SMYD3: variants seen among roughly 807,000 people sequenced by gnomAD.
The protein encoded by SMYD3 is SET and MYND domain containing 3, also known as histone-lysine N-methyltransferase SMYD3.
In SMYD3, 36 loss-of-function variants were observed where a neutral mutation model predicts 57.7. The observed-to-expected ratio is 0.62, with a 90% CI of 0.48 to 0.82. The LOEUF (loss-of-function observed/expected upper bound fraction) is 0.82, where lower values mean the gene tolerates loss of function less well. Among genes scored for constraint, SMYD3 ranks in the 40% least tolerant of loss-of-function variants. The pLI, the probability that SMYD3 is intolerant of heterozygous loss-of-function variation, is 0.00. For synonymous variants in SMYD3, 211 were observed against 195.0 expected (o/e 1.08, Z -0.68); for missense variants, 515 against 538.8 (o/e 0.96, Z 0.44).
intron 8 of SMYD3, among the ~76,000 whole-genome samples, chr1:245,886,715 C>A (rs2053104371): frequency 1.3e-5 from 2 of 152,176 alleles, no homozygotes; most frequent in Non-Finnish European, 2.9e-5. Context: ...ATGCTAATTT[C>A]CTTGCCCGAT....
At chr1:245,765,144 TG>T (rs1417050897) in intron 10 of SMYD3, among the ~76,000 whole-genome samples, 2 of 151,064 alleles carry the variant, frequency 1.3e-5, no homozygotes, top group Non-Finnish European at 3.0e-5. Flanking sequence ...CCCAGCACTT[TG>T]GAGGCCGAGG....
rs1249377466 is a variant in SMYD3, at chr1:246,326,226, A to C, written c.531+975T>G. 9 of 435,666 alleles carry C rather than the reference A, an allele frequency of 2.1e-5. No individual in the cohort carries two copies. The Admixed American group carries it at 3.3e-4, about 16-fold the overall frequency. The allele number at this position is 435,666 out of a possible 1,614,324, so 27.0% of individuals were successfully genotyped here. ...TTACAAATTACAAAATAAGTGGCAA[A>C]ATTGTCAAAAGTAAAGTTTTACTTG... On this transcript the variant is annotated intron_variant, in intron 5 of 11. Coordinates refer to ENST00000490107, the MANE Select transcript of SMYD3 (RefSeq NM_001167740.2).
At position 245,890,162 on chromosome 1, in the gene SMYD3, T is replaced by C. The variant is rs113572418; in HGVS notation, c.813+25368A>G. On this transcript the variant is annotated intron_variant, in intron 8 of 11. Coordinates refer to ENST00000490107, the MANE Select transcript of SMYD3 (RefSeq NM_001167740.2). ...AACACTGGGGAAACTCTCCAGGACA[T>C]TGGTGTGGGCAAAGATTTCTTGAGT... Among the ~76,000 whole-genome samples the C allele has an allele frequency of 8.4e-3, 1,273 of 152,272 alleles. 17 individuals carry two copies. Among genetic ancestry groups the C allele is most frequent in the African/African-American group, 0.028 (1,180 of 41,554 alleles).
intron 5 of SMYD3, among the ~76,000 whole-genome samples, chr1:246,312,339 G>A (rs2065093713): frequency 2.0e-5 from 3 of 152,098 alleles, no homozygotes; most frequent in Admixed American, 6.5e-5. Flanking sequence ...GAGACTCAGG[G>A]AAACAGTGAG....
intron 5 of SMYD3, among the ~76,000 whole-genome samples, chr1:246,027,793 C>T (rs1191767005): frequency 6.6e-6 from 1 of 152,128 alleles, no homozygotes; most frequent in Admixed American, 6.5e-5. Context: ...ACTTTCAAGT[C>T]TTATTATTTA....
At chr1:245,838,448 C>A (rs946365530) in intron 10 of SMYD3, among the ~76,000 whole-genome samples, 3 of 152,214 alleles carry the variant, frequency 2.0e-5, no homozygotes, top group African/African-American at 7.2e-5. Context: ...AATGTTCTCC[C>A]ACCTCCTAGA....
At chr1:245,775,809 A>T (rs1264817979) in intron 10 of SMYD3, among the ~76,000 whole-genome samples, 1 of 152,212 alleles carries the variant, frequency 6.6e-6, no homozygotes, top group Admixed American at 6.5e-5. Flanking sequence ...AAGATGAAAT[A>T]AAAATATCTT....
intron 5 of SMYD3, among the ~76,000 whole-genome samples, chr1:246,257,587 G>A (rs1314533482): frequency 6.6e-6 from 1 of 152,170 alleles, no homozygotes. Flanking sequence ...GCTACTCTGT[G>A]CCCTTTAAGT....
chr1:246,404,363 T>C (rs10924722), intron 1 of SMYD3, among the ~76,000 whole-genome samples: 67,771 of 152,066 alleles, frequency 0.45, 15,687 homozygotes, highest in Admixed American at 0.55. Flanking sequence ...CTTGAGTCAG[T>C]TCAGCTGAAC....
chr1:245,833,073 A>AAAAAAAAACACAAC lies in SMYD3; in HGVS notation c.1076+25422_1076+25423insGTTGTGTTTTTTTT. On this transcript the variant is annotated intron_variant, in intron 10 of 11. Transcript: ENST00000490107. ...GGAATATGTGACAAAAAAAAAAAAAAAACCTGCTTTTATAATGCTGATTCA... is the reference window on the plus strand; with the variant it reads ...GGAATATGTGACAAAAAAAAAAAAAAAAAAAAAACACAACAACCTGCTTTTATAATGCTGATTCA... 3.1e-4 allele frequency among the ~76,000 whole-genome samples: 40 copies of AAAAAAAAACACAAC among 128,662 alleles called. 5 individuals are homozygous for AAAAAAAAACACAAC. The South Asian group carries it at 7.2e-3, about 23-fold the overall frequency. 84.4% of individuals were successfully genotyped at this position (128,662 alleles called of 152,430 possible).
intron 5 of SMYD3, among the ~76,000 whole-genome samples, chr1:246,273,802 C>T (rs1235884848): frequency 6.6e-6 from 1 of 151,918 alleles, no homozygotes; most frequent in Non-Finnish European, 1.5e-5. Context: ...CCAGGCTGGT[C>T]TCGAACTCCT....
chr1:246,070,456 C>G (rs966722993), intron 5 of SMYD3, among the ~76,000 whole-genome samples: 1 of 152,174 alleles, frequency 6.6e-6, no homozygotes, highest in Non-Finnish European at 1.5e-5. Flanking sequence ...TAGTTATTAG[C>G]TTTTATTCAT....
chr1:246,350,679 G>C (rs989847317), intron 2 of SMYD3, among the ~76,000 whole-genome samples: 3 of 152,022 alleles, frequency 2.0e-5, no homozygotes, highest in African/African-American at 7.2e-5. Context: ...CGTTACACCA[G>C]AGACGCCTGT....
At chr1:246,452,244 A>T (rs2067643252) in intron 1 of SMYD3, among the ~76,000 whole-genome samples, 1 of 152,166 alleles carries the variant, frequency 6.6e-6, no homozygotes, top group South Asian at 2.1e-4. Context: ...GGTGGCTCAC[A>T]CCTGTAATTC....
chr1:246,009,400 C>T (rs543815838), intron 5 of SMYD3, among the ~76,000 whole-genome samples: 10 of 152,314 alleles, frequency 6.6e-5, no homozygotes, highest in African/African-American at 1.7e-4. Flanking sequence ...ACAATCCTAA[C>T]TTTAATGCAT....
chr1:245,787,094 T>C (rs1367014549), intron 10 of SMYD3, among the ~76,000 whole-genome samples: 4 of 152,248 alleles, frequency 2.6e-5, no homozygotes, highest in Non-Finnish European at 4.4e-5. Flanking sequence ...CAACGCCTTC[T>C]TCCACTTTCA....
At chr1:245,895,620 T>C (rs1269829784) in intron 8 of SMYD3, among the ~76,000 whole-genome samples, 9 of 152,248 alleles carry the variant, frequency 5.9e-5, no homozygotes, top group African/African-American at 1.7e-4. Flanking sequence ...AATATAACTT[T>C]TGCGCTAACA....
chr1:246,095,067 AC>A (rs1267698100), intron 5 of SMYD3, among the ~76,000 whole-genome samples: 1 of 152,096 alleles, frequency 6.6e-6, no homozygotes, highest in Non-Finnish European at 1.5e-5. Context: ...CCTCAGCTGA[AC>A]TGCAGGCTCC....
In SMYD3 at chr1:246,501,769, C is replaced by G. The variant is rs144224213; in HGVS notation, c.164+5285G>C. 2.1e-3 allele frequency among the ~76,000 whole-genome samples: 325 copies of G among 152,316 alleles called. 3 individuals are homozygous for G. Among genetic ancestry groups the G allele is most frequent in the African/African-American group, 7.5e-3 (313 of 41,568 alleles). ...ATTGGGAGAGAAAGGAAACATGACC[C>G]AACTAACTGTTCCCACTTTAAATAA... is the stretch of plus-strand genomic sequence containing the variant. On this transcript the variant is annotated intron_variant, in intron 1 of 11. Coordinates refer to ENST00000490107, the MANE Select transcript of SMYD3 (RefSeq NM_001167740.2).
Sources: allele counts gnomAD v4.1 joint callset (sites outside exome capture counted in the v4.1 genomes callset), GRCh38; gene constraint gnomAD v4.1.1; transcripts MANE v1.5; gene names NCBI Gene and HGNC (gene_info 2026-07-23, HGNC 2026-07-21).